Variants in ABRAXAS1 observed in about 807,000 individuals in gnomAD.
The protein encoded by ABRAXAS1 is abraxas 1, BRCA1 A complex subunit.
A neutral mutation model predicts 38.4 loss-of-function variants in ABRAXAS1; 26 were observed. The observed-to-expected ratio is 0.68, with a 90% CI of 0.50 to 0.94. The LOEUF (loss-of-function observed/expected upper bound fraction) is 0.94. ABRAXAS1 is among the 40% of genes least tolerant of loss of function. The probability of loss-of-function intolerance (pLI) is 0.00; values close to 1 mark genes in which losing one functional copy is unlikely to be tolerated. For missense variants in ABRAXAS1, 438 were observed against 481.9 expected, an observed-to-expected ratio of 0.91 and a Z score of 0.85; for synonymous variants, 144 against 165.5, an observed-to-expected ratio of 0.87 and a Z score of 1.00.
intron 3 of ABRAXAS1, among the ~76,000 whole-genome samples, chr4:83,474,805 G>C (rs1421975761): frequency 1.3e-5 from 2 of 151,892 alleles, no homozygotes; most frequent in Admixed American, 6.6e-5. Flanking sequence ...CCTGTAATTA[G>C]AGCAGGAAGA....
intron 6 of ABRAXAS1, among the ~76,000 whole-genome samples, chr4:83,468,139 C>T (rs977976299): frequency 6.6e-6 from 1 of 151,668 alleles, no homozygotes; most frequent in Admixed American, 6.6e-5. Context: ...CCCGTCTCTA[C>T]TAAAAAAAAT....
At chr4:83,471,223 TGAGAC>T (rs1722580978) in intron 4 of ABRAXAS1, among the ~76,000 whole-genome samples, 1 of 93,686 alleles carries the variant, frequency 1.1e-5, no homozygotes, top group Admixed American at 1.2e-4. Context: ...TTTTTTTTTT[TGAGAC>T]AGTCTGGCTC....
In ABRAXAS1 at chr4:83,476,943, A is replaced by AT. The variant is rs1722797002; in HGVS notation, c.179-265dup. Among the ~76,000 whole-genome samples the AT allele has an allele frequency of 2.0e-5, 3 of 152,214 alleles. No homozygotes were observed. In the South Asian group the frequency reaches 6.2e-4, roughly 31 times the overall value. On this transcript the variant is annotated intron_variant, in intron 2 of 8. Coordinates refer to ENST00000321945, the MANE Select transcript of ABRAXAS1 (RefSeq NM_139076.3). ...GAGCCTCGCCTGGAACCACAATGCT[A>AT]TATTTCCTCTAAATAACGGTCTAAT...
intron 1 of ABRAXAS1, among the ~76,000 whole-genome samples, chr4:83,484,483 C>T (rs908089068): frequency 6.6e-6 from 1 of 152,194 alleles, no homozygotes; most frequent in Non-Finnish European, 1.5e-5. Context: ...TAAGCTGTTC[C>T]ATCCACTAAG....
At chr4:83,478,075 C>T (rs934556537) in intron 2 of ABRAXAS1, 28 of 919,494 alleles carry the variant, frequency 3.0e-5, no homozygotes, top group East Asian at 8.6e-5. Flanking sequence ...ATGCTGCCAT[C>T]GTTGTGGGAG....
intron 5 of ABRAXAS1, 165 bp from the exon 6 acceptor site, chr4:83,469,316 G>GT (rs148107040): frequency 0.18 from 81,828 of 464,042 alleles, 122 homozygotes; most frequent in South Asian, 0.2. Context: ...TGAAACAACT[G>GT]TTTTTTTTTT....
rs758296226 is a variant in ABRAXAS1, at chr4:83,462,541, G to A, written c.1158C>T (p.Ser386=). 9 of 1,613,976 alleles carry A rather than the reference G, an allele frequency of 5.6e-6. No individual in the cohort carries two copies. The East Asian group carries it at 2.0e-4, about 36-fold the overall frequency. Residue 386 remains serine (S), a synonymous_variant, in exon 9 of 9, where the codon AGC becomes AGT. Coordinates refer to ENST00000321945, the MANE Select transcript of ABRAXAS1 (RefSeq NM_139076.3). ...CAATTTCTTCATCTGTTTCTGGGCT[G>A]CTCATTTTGGATGCTTTATCTTGGT... ...SSNQDKASKM[S]SPETDEEIEK...
chr4:83,474,735 A>ACT (rs1722706174), intron 3 of ABRAXAS1, among the ~76,000 whole-genome samples: 1 of 126,018 alleles, frequency 7.9e-6, no homozygotes, highest in African/African-American at 5.7e-5. Flanking sequence ...AAAAAGTAGT[A>ACT]AACAGTCTCA....
chr4:83,462,663 G>A lies in ABRAXAS1; in HGVS notation c.1036C>T (p.His346Tyr), dbSNP rs755755614. The A allele has an allele frequency of 8.1e-6, 13 of 1,613,816 alleles. No homozygotes were observed. The highest frequency in any genetic ancestry group is 1.3e-5 in the African/African-American group (1 of 74,910). ...SPASTPQIIK[H>Y]KALDLDDRWQ... is the part of the protein sequence containing the mutation. ...CTGTCATCTAAGTCTAAGGCTTTAT[G>A]CTTAATGATTTGTGGTGTACTAGCT... Residue 346 changes from histidine to tyrosine, a missense_variant, in exon 9 of 9, where the codon CAT (histidine) becomes TAT (tyrosine). Physicochemically the swap from His to Tyr is moderately conservative, Grantham distance 83. Transcript: ENST00000321945.
intron 8 of ABRAXAS1, 135 bp downstream of exon 8, chr4:83,463,359 G>A (rs1409270900): frequency 3.8e-6 from 2 of 532,244 alleles, no homozygotes; most frequent in African/African-American, 4.0e-5. Flanking sequence ...CTTGACCCCA[G>A]GAGGCAGAGG....
chr4:83,476,521 A>G, intron 3 of ABRAXAS1, 122 bp downstream of exon 3: 1 of 603,714 alleles, frequency 1.7e-6, no homozygotes, highest in East Asian at 2.8e-5. Context: ...AAAACTTTCC[A>G]TTCTACTCAG....
chr4:83,459,703 T>C lies in ABRAXAS1; in HGVS notation c.*2766A>G, dbSNP rs1722005730. ...TACACATTCAGAAATAAATAACAGA[T>C]ACTTTTTTTTCCCCTCCACATAAAA... is the stretch of plus-strand genomic sequence containing the variant. On this transcript the variant is annotated 3_prime_UTR_variant, in exon 9 of 9. Transcript: ENST00000321945. 2.6e-6 allele frequency: 4 copies of C among 1,562,058 alleles called. No homozygotes were observed. Among genetic ancestry groups the C allele is most frequent in the Non-Finnish European group, 3.5e-6 (4 of 1,141,048 alleles).
intron 3 of ABRAXAS1, among the ~76,000 whole-genome samples, chr4:83,475,488 C>T (rs1395645149): frequency 1.3e-5 from 2 of 151,996 alleles, no homozygotes; most frequent in African/African-American, 4.8e-5. Context: ...GCTCTGTCAC[C>T]CAGGTCATGC....
chr4:83,472,552 A>G (rs946077095), intron 3 of ABRAXAS1, among the ~76,000 whole-genome samples: 1 of 152,212 alleles, frequency 6.6e-6, no homozygotes, highest in African/African-American at 2.4e-5. Context: ...TTTTGAACCT[A>G]AAACAGTAAA....
In ABRAXAS1 at chr4:83,485,075, T is replaced by C. The variant is rs765250710; in HGVS notation, c.-3A>G. ...GCCGACGTACTCTCCCCCTCCATGC[T>C]ACCGCCGCCTCAGGCTACACAAGAG... On this transcript the variant is annotated 5_prime_UTR_variant, in exon 1 of 9. Coordinates refer to ENST00000321945, the MANE Select transcript of ABRAXAS1 (RefSeq NM_139076.3). 2 of 1,585,248 alleles carry C rather than the reference T, an allele frequency of 1.3e-6. No individual in the cohort carries two copies. The highest frequency in any genetic ancestry group is 1.7e-6 in the Non-Finnish European group (2 of 1,166,106).
intron 4 of ABRAXAS1, 39 bp downstream of exon 4, chr4:83,472,182 CA>C: frequency 7.6e-7 from 1 of 1,323,668 alleles, no homozygotes; most frequent in Non-Finnish European, 1.0e-6. Context: ...AAAAACAATG[CA>C]AATAATACCA....
At chr4:83,482,864 T>C (rs1723046379) in intron 1 of ABRAXAS1, among the ~76,000 whole-genome samples, 1 of 152,246 alleles carries the variant, frequency 6.6e-6, no homozygotes, top group South Asian at 2.1e-4. Flanking sequence ...CATGAAGCAC[T>C]GGGCACACTT....
chr4:83,482,370 G>A, intron 1 of ABRAXAS1, 126 bp from the exon 2 acceptor site: 1 of 520,988 alleles, frequency 1.9e-6, no homozygotes, highest in South Asian at 2.9e-5. Flanking sequence ...ACATATGAAA[G>A]ATCTGAGATG....
intron 2 of ABRAXAS1, chr4:83,478,309 G>A: frequency 1.6e-6 from 1 of 633,332 alleles, no homozygotes; most frequent in Non-Finnish European, 3.1e-6. Flanking sequence ...TAAAAATGTG[G>A]AAACATGAGG....
Sources: allele counts gnomAD v4.1 joint callset (sites outside exome capture counted in the v4.1 genomes callset), GRCh38; gene constraint gnomAD v4.1.1; transcripts MANE v1.5; gene names NCBI Gene and HGNC (gene_info 2026-07-23, HGNC 2026-07-21).